Variants in NFATC2 observed in about 807,000 individuals in gnomAD.
NFATC2 encodes the protein nuclear factor of activated T cells 2, also known as nuclear factor of activated T-cells, cytoplasmic 2.
NFATC2 carries 22 observed loss-of-function variants against 87.3 expected under a neutral mutation model. That is an observed-to-expected ratio of 0.25 (90% confidence interval 0.18 to 0.36). The LOEUF (loss-of-function observed/expected upper bound fraction) is 0.36, where lower values mean the gene tolerates loss of function less well. NFATC2 is among the 10% of genes least tolerant of loss of function. The probability of loss-of-function intolerance (pLI) is 1.00; values close to 1 mark genes in which losing one functional copy is unlikely to be tolerated. For missense variants in NFATC2, 1,149 were observed against 1,259.1 expected (o/e 0.91, Z 1.32); for synonymous variants, 565 against 542.2 (o/e 1.04, Z -0.58).
At chr20:51,456,377 G>C (rs2146439209) in intron 5 of NFATC2, among the ~76,000 whole-genome samples, 1 of 152,230 alleles carries the variant, frequency 6.6e-6, no homozygotes, top group African/African-American at 2.4e-5. Context: ...AAGCTAAGAG[G>C]AGTAAAGTCA....
intron 10 of NFATC2, among the ~76,000 whole-genome samples, chr20:51,394,549 G>A (rs1453888866): frequency 4.7e-5 from 7 of 148,596 alleles, no homozygotes; most frequent in Non-Finnish European, 7.4e-5. Context: ...CAGCCCAGTC[G>A]CACTCCTGTC....
In NFATC2 at chr20:51,480,085, C is replaced by T. The variant is rs1989106337; in HGVS notation, c.1333-4425G>A. 6.6e-6 allele frequency among the ~76,000 whole-genome samples: 1 copy of T among 152,030 alleles called. No homozygotes were observed. Among genetic ancestry groups the T allele is most frequent in the African/African-American group, 2.4e-5 (1 of 41,354 alleles). On this transcript the variant is annotated intron_variant, in intron 3 of 10. Coordinates refer to ENST00000371564, the MANE Select transcript of NFATC2 (RefSeq NM_012340.5). The surrounding 1 kb of genome is among the most constrained non-coding windows in gnomAD (Gnocchi z 4.2). ...GGCAGATCACTTGACGTCAGGAGTT[C>T]AAGACCAGCCCGGGCAACATGGTGA...
At chr20:51,463,567 C>G (rs1043340101) in intron 5 of NFATC2, among the ~76,000 whole-genome samples, 1 of 152,144 alleles carries the variant, frequency 6.6e-6, no homozygotes, top group Non-Finnish European at 1.5e-5. Flanking sequence ...ATTCTCAGTC[C>G]AAAACCTGAT....
intron 10 of NFATC2, among the ~76,000 whole-genome samples, chr20:51,398,179 C>A (rs538253895): frequency 6.6e-6 from 1 of 150,900 alleles, no homozygotes; most frequent in African/African-American, 2.5e-5. Context: ...TGGAGGGAAT[C>A]AGGATTGGAA....
rs1330046018 is a variant in NFATC2, at chr20:51,477,562, T to G, written c.1333-1902A>C. ...ATATATATATATATATATATATATA[T>G]ATATATATATATATATATAAAATAA... On this transcript the variant is annotated intron_variant, in intron 3 of 10. Coordinates refer to ENST00000371564, the MANE Select transcript of NFATC2 (RefSeq NM_012340.5). 2.5e-4 allele frequency among the ~76,000 whole-genome samples: 31 copies of G among 123,792 alleles called. 1 individual carries two copies. The highest frequency in any genetic ancestry group is 8.9e-4 in the African/African-American group (30 of 33,858). The allele number at this position is 123,792 out of a possible 152,430, so 81.2% of individuals were successfully genotyped here. A position where few individuals can be genotyped will look rare whatever the true frequency, so the allele number is the denominator to read the frequency against.
At chr20:51,419,925 T>A (rs150624521) in intron 9 of NFATC2, among the ~76,000 whole-genome samples, 76 of 151,046 alleles carry the variant, frequency 5.0e-4, no homozygotes, top group African/African-American at 1.7e-3. Context: ...GTCCTTCAAA[T>A]GATAAGGACA....
At chr20:51,531,875 A>G (rs1644003111) in intron 1 of NFATC2, among the ~76,000 whole-genome samples, 1 of 152,226 alleles carries the variant, frequency 6.6e-6, no homozygotes, top group South Asian at 2.1e-4. Context: ...ATTACGAAAA[A>G]AAGGAAGACA....
chr20:51,434,686 A>T (rs1983292532), intron 8 of NFATC2, among the ~76,000 whole-genome samples: 1 of 152,198 alleles, frequency 6.6e-6, no homozygotes, highest in Non-Finnish European at 1.5e-5. Context: ...GCATGAAAAA[A>T]TGGTACTCAT....
intron 9 of NFATC2, among the ~76,000 whole-genome samples, chr20:51,405,965 C>G (rs985428337): frequency 2.0e-5 from 3 of 152,224 alleles, no homozygotes; most frequent in African/African-American, 7.2e-5. Flanking sequence ...TTAGTAGAGA[C>G]AGGATTTCAC....
chr20:51,542,613 C>G lies in NFATC2; in HGVS notation c.-114G>C, dbSNP rs1308692828. 2 of 1,219,774 alleles carry G rather than the reference C, an allele frequency of 1.6e-6. No homozygotes were observed. Among genetic ancestry groups the G allele is most frequent in the South Asian group, 3.9e-5 (1 of 25,528 alleles). 75.6% of individuals were successfully genotyped at this position (1,219,774 alleles called of 1,614,324 possible). ...GCTCGAGCGGCGGGGTCCCTTTCCT[C>G]GTAGGGACGCACGCCGGGTCCGGGG... On this transcript the variant is annotated 5_prime_UTR_variant, in exon 1 of 11. Coordinates refer to ENST00000371564, the MANE Select transcript of NFATC2 (RefSeq NM_012340.5).
intron 1 of NFATC2, among the ~76,000 whole-genome samples, chr20:51,549,262 TTTTGTTTG>T (rs60791870): frequency 9.2e-5 from 14 of 151,388 alleles, no homozygotes; most frequent in African/African-American, 1.9e-4. Context: ...TTTTTGGTTT[TTTTGTTTG>T]TTTGTTTGTT....
chr20:51,536,776 T>G (rs777836728), intron 1 of NFATC2, among the ~76,000 whole-genome samples: 4 of 152,206 alleles, frequency 2.6e-5, no homozygotes, highest in Non-Finnish European at 5.9e-5. Context: ...AGACGTTATT[T>G]GTCCAAAGCA....
intron 9 of NFATC2, among the ~76,000 whole-genome samples, chr20:51,425,563 G>GGC (rs1009249358): frequency 2.0e-5 from 3 of 152,236 alleles, no homozygotes; most frequent in Non-Finnish European, 4.4e-5. Context: ...CCGGGCTCAC[G>GGC]GCAGGGCTCT....
chr20:51,519,988 C>T (rs1000503281), intron 2 of NFATC2, among the ~76,000 whole-genome samples: 1 of 151,956 alleles, frequency 6.6e-6, no homozygotes, highest in Admixed American at 6.6e-5. Flanking sequence ...GAATTCCAGC[C>T]CTCTGCTGAG....
At chr20:51,500,646 A>AC (rs1350055756) in intron 3 of NFATC2, among the ~76,000 whole-genome samples, 25 of 26,968 alleles carry the variant, frequency 9.3e-4, no homozygotes, top group African/African-American at 3.7e-3. Flanking sequence ...CCTCACCCTC[A>AC]CCACCCCCCC....
intron 1 of NFATC2, among the ~76,000 whole-genome samples, chr20:51,554,898 G>A (rs932832783): frequency 3.3e-5 from 5 of 152,140 alleles, no homozygotes; most frequent in East Asian, 3.8e-4. Context: ...GAATCCAGGC[G>A]GGGCTGACAA....
At chr20:51,472,886 G>C (rs1415584474) in intron 5 of NFATC2, among the ~76,000 whole-genome samples, 1 of 151,990 alleles carries the variant, frequency 6.6e-6, no homozygotes, top group African/African-American at 2.4e-5. Context: ...CCACCAAAGT[G>C]CTGGGATTAC....
intron 9 of NFATC2, among the ~76,000 whole-genome samples, chr20:51,401,069 G>A (rs532194804): frequency 6.6e-6 from 1 of 152,154 alleles, no homozygotes; most frequent in African/African-American, 2.4e-5. Flanking sequence ...AGTCACTGAG[G>A]ATTAAATGAG....
At chr20:51,486,391 T>G (rs1481817204) in intron 3 of NFATC2, among the ~76,000 whole-genome samples, 1 of 152,198 alleles carries the variant, frequency 6.6e-6, no homozygotes, top group East Asian at 1.9e-4. Context: ...TGCTATGCCC[T>G]TGGCCTAGAA....
Sources: allele counts gnomAD v4.1 joint callset (sites outside exome capture counted in the v4.1 genomes callset), GRCh38; gene constraint gnomAD v4.1.1; non-coding constraint Gnocchi (gnomAD v3.1); transcripts MANE v1.5; gene names NCBI Gene and HGNC (gene_info 2026-07-23, HGNC 2026-07-21).